RIC1: variants seen among roughly 807,000 people sequenced by gnomAD.
RIC1 encodes the protein guanine nucleotide exchange factor subunit RIC1.
RIC1 carries 88 observed loss-of-function variants against 169.0 expected under a neutral mutation model. The observed-to-expected ratio is 0.52, with a 90% CI of 0.44 to 0.62. The LOEUF (loss-of-function observed/expected upper bound fraction) is 0.62, where lower values mean the gene tolerates loss of function less well. RIC1 is among the 20% of genes least tolerant of loss of function. RIC1 has a pLI of 0.00. For synonymous variants in RIC1, 790 were observed against 601.5 expected (o/e 1.31, Z -4.59); for missense variants, 1,877 against 1,725.5 (o/e 1.09, Z -1.56).
intron 1 of RIC1, among the ~76,000 whole-genome samples, chr9:5,656,322 A>G (rs1277328334): frequency 6.6e-6 from 1 of 152,156 alleles, no homozygotes; most frequent in African/African-American, 2.4e-5. Flanking sequence ...GACTTCACCT[A>G]TGAACACATT....
At chr9:5,741,234 C>T (rs1825066564) in intron 8 of RIC1, among the ~76,000 whole-genome samples, 1 of 152,158 alleles carries the variant, frequency 6.6e-6, no homozygotes, top group Non-Finnish European at 1.5e-5. Flanking sequence ...ATAGATTGGT[C>T]TTTATAGCTA....
At chr9:5,670,022 A>C (rs1390046831) in intron 2 of RIC1, among the ~76,000 whole-genome samples, 1 of 152,218 alleles carries the variant, frequency 6.6e-6, no homozygotes, top group African/African-American at 2.4e-5. Context: ...AGTTTGACTA[A>C]GCACAGAATC....
Position 5,770,263 on chromosome 9 carries a change from C to G in RIC1, c.3601C>G (p.Pro1201Ala). Residue 1201 changes from proline to alanine, a missense_variant, in exon 23 of 26, where the codon CCT becomes GCT. By Grantham distance (27) the Pro-to-Ala change is conservative. Transcript: ENST00000414202. ...ACAAATGCAAGATGCCTTCTTGTCA[C>G]CTTTATCTAATAAAGGTAAATGTAA... ...GPQMQDAFLS[P>A]LSNKGDECSI... 6.2e-7 allele frequency: 1 copy of G among 1,611,918 alleles called. No individual in the cohort carries two copies. The highest frequency in any genetic ancestry group is 1.3e-5 in the African/African-American group (1 of 74,900).
chr9:5,689,538 A>G (rs1821472096), intron 2 of RIC1, among the ~76,000 whole-genome samples: 1 of 152,174 alleles, frequency 6.6e-6, no homozygotes. Flanking sequence ...TACTGTGTAA[A>G]TTTTGAGTAG....
Position 5,736,742 on chromosome 9 carries a change from C to A in RIC1, c.813-1708C>A, listed in dbSNP as rs576018462. 2.0e-5 allele frequency among the ~76,000 whole-genome samples: 3 copies of A among 152,136 alleles called. No homozygotes were observed. The South Asian group carries it at 6.2e-4, about 31-fold the overall frequency. ...TGAAAAACATACTGTATGGAACTAA[C>A]AACAGATTAGACATTGCAGAAGAGA... On this transcript the variant is annotated intron_variant, in intron 7 of 25. Transcript: ENST00000414202.
intron 2 of RIC1, among the ~76,000 whole-genome samples, chr9:5,685,022 T>G (rs1224740372): frequency 2.6e-5 from 4 of 152,112 alleles, no homozygotes; most frequent in Non-Finnish European, 5.9e-5. Flanking sequence ...CATTTGGTTG[T>G]GATGTTTTTT....
intron 12 of RIC1, 116 bp from the exon 13 acceptor site, chr9:5,753,084 C>A: frequency 2.4e-6 from 2 of 837,144 alleles, no homozygotes; most frequent in Non-Finnish European, 4.1e-6. Context: ...CTGCTACTAA[C>A]TAGGGGGCAC....
chr9:5,634,719 T>C (rs1398599211), intron 1 of RIC1, among the ~76,000 whole-genome samples: 1 of 152,232 alleles, frequency 6.6e-6, no homozygotes, highest in Non-Finnish European at 1.5e-5. Flanking sequence ...CTTAATTTCA[T>C]GTAATCCTAC....
Position 5,743,008 on chromosome 9 carries a change from T to C in RIC1, c.1041T>C (p.Asp347=), listed in dbSNP as rs1218384333. ...AGCTGATTTGTACACTTGGAGGAGA[T>C]TTTGCGTAAGTCAAAAAAGACAATT... The part of the protein sequence containing the change: ...GAQLICTLGG[D]FAYRSDGTKK... Residue 347 remains aspartate (D), a synonymous_variant, in exon 9 of 26, where the codon GAT becomes GAC. Transcript: ENST00000414202. 1 of 1,603,820 alleles carries C rather than the reference T, an allele frequency of 6.2e-7. No homozygotes were observed. Among genetic ancestry groups the C allele is most frequent in the Non-Finnish European group, 8.5e-7 (1 of 1,177,246 alleles).
chr9:5,633,678 C>G (rs1333749835), intron 1 of RIC1, among the ~76,000 whole-genome samples: 1 of 152,122 alleles, frequency 6.6e-6, no homozygotes, highest in Non-Finnish European at 1.5e-5. Context: ...CACAATCAGT[C>G]TAATTAACAG....
In RIC1 at chr9:5,753,635, A is replaced by G; in HGVS notation, c.1591A>G (p.Asn531Asp). ...LLTKKWKLFG[N>D]ITQEQNMIVT... is the part of the protein sequence containing the mutation. The stretch of plus-strand genomic sequence containing the variant: ...CACCAAAAAATGGAAACTTTTTGGA[A>G]ACATTACCCAGGTTAGTCTTTTTTG... Residue 531 changes from asparagine to aspartate, a missense_variant, in exon 14 of 26, where the codon AAC becomes GAC. By Grantham distance (23) the Asn-to-Asp change is conservative (BLOSUM62 1). This residue lies in a region of RIC1 where 1,104 missense variants were observed against 992.0 expected (regional missense o/e 1.11). Transcript: ENST00000414202. The G allele has an allele frequency of 6.4e-7, 1 of 1,570,862 alleles. No individual in the cohort carries two copies. The highest frequency in any genetic ancestry group is 8.7e-7 in the Non-Finnish European group (1 of 1,146,022).
chr9:5,694,521 G>A (rs1378002352), intron 3 of RIC1, among the ~76,000 whole-genome samples: 1 of 152,044 alleles, frequency 6.6e-6, no homozygotes, highest in Admixed American at 6.6e-5. Context: ...AATGTACATG[G>A]GTGACCTTTT....
In RIC1 at chr9:5,650,095, C is replaced by A. The variant is rs11531777; in HGVS notation, c.145-6488C>A. Among the ~76,000 whole-genome samples, 3 of 151,946 alleles carry A rather than the reference C, an allele frequency of 2.0e-5. No individual in the cohort carries two copies. The South Asian group carries it at 6.2e-4, about 31-fold the overall frequency. ...GGCAGCAGCAGACTGTGTGCCTGTCCTTCGGCCCCAGGGTACACAGGCATG... is the reference window on the plus strand; with the variant it reads ...GGCAGCAGCAGACTGTGTGCCTGTCATTCGGCCCCAGGGTACACAGGCATG... On this transcript the variant is annotated intron_variant, in intron 1 of 25. Coordinates refer to ENST00000414202, the MANE Select transcript of RIC1 (RefSeq NM_020829.4).
At chr9:5,702,607 C>T (rs1210236695) in intron 3 of RIC1, among the ~76,000 whole-genome samples, 6 of 152,248 alleles carry the variant, frequency 3.9e-5, no homozygotes, top group Admixed American at 6.5e-5. Flanking sequence ...GGCACCATCT[C>T]GGCTCACTGC....
chr9:5,733,736 A>C (rs373828043), intron 7 of RIC1, among the ~76,000 whole-genome samples: 48 of 152,158 alleles, frequency 3.2e-4, no homozygotes, highest in African/African-American at 1.1e-3. Flanking sequence ...AGAGAAGGAA[A>C]AGCTTTTTTT....
chr9:5,763,573 A>G lies in RIC1; in HGVS notation c.2546A>G (p.Gln849Arg). The G allele has an allele frequency of 6.2e-7, 1 of 1,614,126 alleles. No homozygotes were observed. The highest frequency in any genetic ancestry group is 1.7e-5 in the Admixed American group (1 of 60,026). Reference protein sequence around the residue: ...NLGEQALLLAQSCATLPYFPH... With the variant: ...NLGEQALLLARSCATLPYFPH... ...GGGGAGCAAGCCTTGCTCTTGGCCC[A>G]GTCCTGTGCCACATTACCTTACTTC... Residue 849 changes from glutamine (Q) to arginine (R), a missense_variant, in exon 19 of 26, where the codon CAG (glutamine) becomes CGG (arginine). Physicochemically the swap from Gln to Arg is conservative, Grantham distance 43 (BLOSUM62 1). Coordinates refer to ENST00000414202, the MANE Select transcript of RIC1 (RefSeq NM_020829.4). This position sits in a 1 kb window ranked among gnomAD's most constrained non-coding sequence, Gnocchi z 5.2.
chr9:5,753,381 A>G, intron 13 of RIC1, 143 bp downstream of exon 13: 1 of 847,852 alleles, frequency 1.2e-6, no homozygotes, highest in South Asian at 1.6e-5. Flanking sequence ...TAACATCTAT[A>G]ATTTTGTCAG....
chr9:5,762,774 G>C (rs1826427796), intron 18 of RIC1, 114 bp downstream of exon 18: 1 of 1,336,664 alleles, frequency 7.5e-7, no homozygotes, highest in African/African-American at 1.5e-5. Context: ...GAGAAATTAA[G>C]TCCATAAAAT....
chr9:5,676,296 T>C (rs1241459881), intron 2 of RIC1, among the ~76,000 whole-genome samples: 2 of 152,242 alleles, frequency 1.3e-5, no homozygotes, highest in Non-Finnish European at 2.9e-5. Context: ...TTTCCTCAAA[T>C]GTATTCTATA....
Sources: allele counts gnomAD v4.1 joint callset (sites outside exome capture counted in the v4.1 genomes callset), GRCh38; gene constraint gnomAD v4.1.1; regional missense constraint gnomAD v4.1.1; non-coding constraint Gnocchi (gnomAD v3.1); transcripts MANE v1.5; gene names NCBI Gene and HGNC (gene_info 2026-07-23, HGNC 2026-07-21).